Variants in SLC25A40 observed in about 807,000 individuals in gnomAD.
SLC25A40 encodes the protein solute carrier family 25 member 40.
Under a neutral mutation model 46.5 loss-of-function variants are expected in SLC25A40, and 41 were observed. That is an observed-to-expected ratio of 0.88 (90% CI 0.69 to 1.14). SLC25A40 has a LOEUF of 1.14. Ranked by LOEUF, SLC25A40 falls within the 50% of genes most tolerant of loss-of-function variation. The pLI is 0.00. For synonymous variants in SLC25A40, 126 were observed against 127.5 expected (o/e 0.99, Z 0.08); for missense variants, 386 against 393.6 (o/e 0.98, Z 0.16).
intron 1 of SLC25A40, among the ~76,000 whole-genome samples, chr7:87,864,502 C>T (rs182074749): frequency 2.4e-4 from 36 of 152,234 alleles, no homozygotes; most frequent in Non-Finnish European, 4.6e-4. Flanking sequence ...AGGGTGTTCC[C>T]GCATTGGTTA....
chr7:87,836,611 T>C, intron 11 of SLC25A40, 119 bp downstream of exon 11: 1 of 580,724 alleles, frequency 1.7e-6, no homozygotes, highest in Non-Finnish European at 2.8e-6. Flanking sequence ...AATAAAGATA[T>C]TTAGGAGAAA....
intron 4 of SLC25A40, among the ~76,000 whole-genome samples, chr7:87,854,995 A>G (rs1297126527): frequency 6.6e-6 from 1 of 151,430 alleles, no homozygotes; most frequent in Non-Finnish European, 1.5e-5. Flanking sequence ...CTCCATCTCT[A>G]CAAAAAAATT....
rs746495848 is a variant in SLC25A40 at position 87,849,943 on chromosome 7, T to C, written c.270A>G (p.Ala90=). The C allele has an allele frequency of 6.9e-6, 11 of 1,595,662 alleles. No homozygotes were observed. In the Admixed American group the frequency reaches 6.9e-5, roughly 10 times the overall value. The change falls in exon 6 of 12, where the codon GCA becomes GCG. Residue 90 remains alanine (A), a synonymous_variant. Transcript: ENST00000341119. ...CCTCATTTCGAATGATTTTAAAAAA[T>C]GCATCCTAAAGTTATAATAGAAAAA... The part of the protein sequence containing the change: ...KPGNFQGTLD[A]FFKIIRNEGI...
intron 1 of SLC25A40, among the ~76,000 whole-genome samples, chr7:87,872,381 A>G (rs181648904): frequency 7.0e-4 from 106 of 152,348 alleles, no homozygotes; most frequent in Admixed American, 1.2e-3. Context: ...AATGAAAATA[A>G]AAACCAATAA....
chr7:87,870,798 TGA>T (rs1404434496), intron 1 of SLC25A40, among the ~76,000 whole-genome samples: 1 of 152,222 alleles, frequency 6.6e-6, no homozygotes, highest in Non-Finnish European at 1.5e-5. Flanking sequence ...CCCTTCTTGC[TGA>T]GAGCCACTTT....
At chr7:87,861,943 A>G (rs985687740) in intron 1 of SLC25A40, among the ~76,000 whole-genome samples, 1 of 152,204 alleles carries the variant, frequency 6.6e-6, no homozygotes, top group African/African-American at 2.4e-5. Flanking sequence ...TACATCAATT[A>G]TCTCCTAAAA....
intron 9 of SLC25A40, among the ~76,000 whole-genome samples, chr7:87,843,032 T>C (rs535245373): frequency 2.6e-4 from 39 of 152,192 alleles, no homozygotes; most frequent in Non-Finnish European, 4.7e-4. Flanking sequence ...TTTTCTGAGA[T>C]ATTATTACAA....
chr7:87,851,054 T>C (rs1838499631), intron 5 of SLC25A40, among the ~76,000 whole-genome samples: 1 of 152,180 alleles, frequency 6.6e-6, no homozygotes, highest in Admixed American at 6.5e-5. Context: ...CAACTCCAGT[T>C]ACATTCTGAG....
rs554343724 is a variant in SLC25A40, at chr7:87,864,482, T to C, written c.-93-3842A>G. ...TCCCTTTAGATCTATTAATGTTTGCTTTATATATCAGGGTGTTCCCGCATT... is the reference window on the plus strand; with the variant it reads ...TCCCTTTAGATCTATTAATGTTTGCCTTATATATCAGGGTGTTCCCGCATT... On this transcript the variant is annotated intron_variant, in intron 1 of 11. Coordinates refer to ENST00000341119, the MANE Select transcript of SLC25A40 (RefSeq NM_018843.4). 7.8e-4 allele frequency among the ~76,000 whole-genome samples: 119 copies of C among 152,366 alleles called. 2 individuals are homozygous for C. Among genetic ancestry groups the C allele is most frequent in the African/African-American group, 2.8e-3 (117 of 41,590 alleles).
chr7:87,865,926 T>C (rs1049392049), intron 1 of SLC25A40, among the ~76,000 whole-genome samples: 4 of 151,586 alleles, frequency 2.6e-5, no homozygotes, highest in Non-Finnish European at 5.9e-5. Context: ...TACAAAAAAA[T>C]ACAGAAATTA....
chr7:87,868,101 C>A (rs1838833948), intron 1 of SLC25A40, among the ~76,000 whole-genome samples: 1 of 152,140 alleles, frequency 6.6e-6, no homozygotes, highest in Admixed American at 6.5e-5. Flanking sequence ...TACCTTCAGG[C>A]ACTGCCAATG....
rs542605459 is a variant in SLC25A40 at position 87,874,244 on chromosome 7, C to CT, written c.-94+1851dup. ...GTGAGTCTAACCGCATAGGGTGCAA[C>CT]TATGTTACTGTCCTTCCTCTTCACG... is the stretch of plus-strand genomic sequence containing the variant. On this transcript the variant is annotated intron_variant, in intron 1 of 11. Transcript: ENST00000341119. Among the ~76,000 whole-genome samples, 8 of 152,290 alleles carry CT rather than the reference C, an allele frequency of 5.3e-5. No homozygotes were observed. In the South Asian group the frequency reaches 1.7e-3, roughly 32 times the overall value.
chr7:87,846,823 G>C, intron 8 of SLC25A40, 126 bp downstream of exon 8: 1 of 614,666 alleles, frequency 1.6e-6, no homozygotes, highest in Non-Finnish European at 2.5e-6. Context: ...AATGAAAAAG[G>C]AGTTTGTGGT....
At chr7:87,841,552 CTTAT>C (rs1240536378) in intron 10 of SLC25A40, 77 bp downstream of exon 10, 8 of 741,406 alleles carry the variant, frequency 1.1e-5, no homozygotes, top group Non-Finnish European at 1.2e-5. Context: ...TCTTGTTTTC[CTTAT>C]TTTAGATATC....
chr7:87,869,152 G>A (rs1310860992), intron 1 of SLC25A40, among the ~76,000 whole-genome samples: 1 of 151,980 alleles, frequency 6.6e-6, no homozygotes, highest in Non-Finnish European at 1.5e-5. Flanking sequence ...TGGTAATCTT[G>A]GCACTGTATA....
chr7:87,838,727 T>C (rs1254956038), intron 10 of SLC25A40, among the ~76,000 whole-genome samples: 1 of 151,554 alleles, frequency 6.6e-6, no homozygotes, highest in Non-Finnish European at 1.5e-5. Context: ...TCCAGATGTA[T>C]ACTCACTCTT....
Position 87,847,926 on chromosome 7 carries a change from T to G in SLC25A40, c.384A>C (p.Leu128Phe), listed in dbSNP as rs1239239778. 11 of 1,611,326 alleles carry G rather than the reference T, an allele frequency of 6.8e-6. No individual in the cohort carries two copies. The Admixed American group carries it at 1.8e-4, about 27-fold the overall frequency. Residue 128 changes from leucine to phenylalanine, a missense_variant, in exon 7 of 12, where the codon TTA (leucine) becomes TTC (phenylalanine). By Grantham distance (22) the Leu-to-Phe change is conservative. Transcript: ENST00000341119. The stretch of plus-strand genomic sequence containing the variant: ...CTAACTTAGATCTCAGAAGAGCACT[T>G]AATTGATCATAGCAGGTAAAATAAA... ...TVIYFTCYDQ[L>F]SALLRSKLGE...
chr7:87,868,228 A>C (rs1838835969), intron 1 of SLC25A40, among the ~76,000 whole-genome samples: 1 of 152,206 alleles, frequency 6.6e-6, no homozygotes, highest in Admixed American at 6.5e-5. Flanking sequence ...ATTAAAGGGA[A>C]CTATTCTGTG....
Position 87,847,874 on chromosome 7 carries a change from C to CA in SLC25A40, c.435dup (p.Val146CysfsTer21). The CA allele has an allele frequency of 6.2e-7, 1 of 1,609,146 alleles. No homozygotes were observed. Among genetic ancestry groups the CA allele is most frequent in the Non-Finnish European group, 8.5e-7 (1 of 1,178,318 alleles). The stretch of plus-strand genomic sequence containing the variant: ...TCACATCTGGCTACAATTCCAGCAA[C>CA]AATTGGTATGCAGGTTTCATTTTCT... On this transcript the variant is annotated frameshift_variant, in exon 7 of 12. Coordinates refer to ENST00000341119, the MANE Select transcript of SLC25A40 (RefSeq NM_018843.4). LOFTEE classifies it high-confidence loss of function.
Sources: gnomAD v4.1 joint callset for allele counts (sites outside exome capture counted in the v4.1 genomes callset) on GRCh38, gnomAD v4.1.1 for gene constraint, MANE v1.5 for transcripts, NCBI Gene and HGNC (gene_info 2026-07-23, HGNC 2026-07-21) for gene names.